Variants in DPP8 observed in about 807,000 individuals in gnomAD.
DPP8 encodes the protein dipeptidyl peptidase 8.
A neutral mutation model predicts 107.5 loss-of-function variants in DPP8; 31 were observed. That is an observed-to-expected ratio of 0.29 (90% CI 0.22 to 0.39). The LOEUF is 0.39. DPP8 is among the 10% of genes least tolerant of loss of function. The pLI is 1.00. For missense variants in DPP8, 842 were observed against 1,076.1 expected (o/e 0.78, Z 3.04); for synonymous variants, 381 against 356.6 (o/e 1.07, Z -0.77).
intron 5 of DPP8, 138 bp downstream of exon 5, chr15:65,497,726 A>G: frequency 1.7e-6 from 1 of 584,068 alleles, no homozygotes; most frequent in Non-Finnish European, 2.7e-6. Context: ...ACTTTTCTCC[A>G]TTTTTTAAAA....
At chr15:65,500,870 A>ATT in intron 3 of DPP8, 91 bp from the exon 4 acceptor site, 1 of 591,258 alleles carries the variant, frequency 1.7e-6, no homozygotes. Context: ...AACATTATTG[A>ATT]CTCTTTTTTT....
At chr15:65,472,737 A>C (rs1020002368) in intron 12 of DPP8, among the ~76,000 whole-genome samples, 1 of 152,168 alleles carries the variant, frequency 6.6e-6, no homozygotes, top group Non-Finnish European at 1.5e-5. Flanking sequence ...GAGCAATAAT[A>C]CATTTTAAAA....
intron 3 of DPP8, among the ~76,000 whole-genome samples, chr15:65,505,864 C>T (rs916975316): frequency 6.6e-6 from 1 of 150,376 alleles, no homozygotes; most frequent in Admixed American, 6.7e-5. Flanking sequence ...GCAGGAGAAT[C>T]GCTTGAATCT....
chr15:65,485,955 G>A (rs1452756999), intron 7 of DPP8, among the ~76,000 whole-genome samples: 1 of 151,696 alleles, frequency 6.6e-6, no homozygotes, highest in Non-Finnish European at 1.5e-5. Context: ...TTAGCCAGGT[G>A]TGGTGGCACA....
At chr15:65,499,265 G>A (rs1050012293) in intron 4 of DPP8, among the ~76,000 whole-genome samples, 1 of 150,540 alleles carries the variant, frequency 6.6e-6, no homozygotes, top group Non-Finnish European at 1.5e-5. Flanking sequence ...GTCTCACTCT[G>A]TCGCCCAGGG....
At position 65,445,077 on chromosome 15, in the gene DPP8, G is replaced by A. The variant is rs1272869598; in HGVS notation, c.*1807C>T. The A allele has an allele frequency of 6.6e-6, 1 of 152,016 alleles. No individual in the cohort carries two copies. Among genetic ancestry groups the A allele is most frequent in the African/African-American group, 2.4e-5 (1 of 41,378 alleles). 9.4% of individuals were successfully genotyped at this position (152,016 alleles called of 1,614,324 possible). Reference sequence around the variant, plus strand: ...TATACAGATAATAAGAAAAAGCGTGGTATCTATTATACAGTATAAATACAA... The same window carrying A: ...TATACAGATAATAAGAAAAAGCGTGATATCTATTATACAGTATAAATACAA... On this transcript the variant is annotated 3_prime_UTR_variant, in exon 20 of 20. Transcript: ENST00000300141.
chr15:65,481,632 A>T lies in DPP8; in HGVS notation c.1018-17T>A, dbSNP rs2066933032. 1 of 1,283,394 alleles carries T rather than the reference A, an allele frequency of 7.8e-7. No individual in the cohort carries two copies. The highest frequency in any genetic ancestry group is 1.1e-6 in the Non-Finnish European group (1 of 925,454). The allele number at this position is 1,283,394 out of a possible 1,614,324, so 79.5% of individuals were successfully genotyped here. A position where few individuals can be genotyped will look rare whatever the true frequency, so the allele number is the denominator to read the frequency against. ...ATCTATGATCTATTAAAAAAGAAAA[A>T]AAAAGAATCTAGTTATAGAAGATTT... On this transcript the variant is annotated splice_polypyrimidine_tract_variant and intron_variant, in intron 8 of 19. Coordinates refer to ENST00000300141, the MANE Select transcript of DPP8 (RefSeq NM_130434.5).
rs1387343954 is a variant in DPP8, at chr15:65,474,167, A to G, written c.1536+42T>C. On this transcript the variant is annotated intron_variant, in intron 12 of 19. Coordinates refer to ENST00000300141, the MANE Select transcript of DPP8 (RefSeq NM_130434.5). Reference sequence around the variant, plus strand: ...CTCATTTTTAGCACTGCATTCACACAGTAATACTGACCAAACATATCAGTA... The same window carrying G: ...CTCATTTTTAGCACTGCATTCACACGGTAATACTGACCAAACATATCAGTA... The G allele has an allele frequency of 2.9e-6, 4 of 1,378,062 alleles. No homozygotes were observed. In the Admixed American group the frequency reaches 6.7e-5, roughly 23 times the overall value. 85.4% of individuals were successfully genotyped at this position (1,378,062 alleles called of 1,614,324 possible). A position where few individuals can be genotyped will look rare whatever the true frequency, so the allele number is the denominator to read the frequency against.
chr15:65,492,848 T>C (rs1254273700), intron 5 of DPP8, among the ~76,000 whole-genome samples: 2 of 152,118 alleles, frequency 1.3e-5, no homozygotes, highest in East Asian at 1.9e-4. Flanking sequence ...TCCTCTCACC[T>C]TGGCCCCCCA....
At chr15:65,513,427 T>C (rs912323616) in intron 1 of DPP8, among the ~76,000 whole-genome samples, 1 of 152,208 alleles carries the variant, frequency 6.6e-6, no homozygotes, top group Admixed American at 6.5e-5. Context: ...TTAGCCAGGA[T>C]GGTCTTGATC....
intron 8 of DPP8, among the ~76,000 whole-genome samples, chr15:65,483,459 C>A (rs929562423): frequency 6.6e-6 from 1 of 151,978 alleles, no homozygotes; most frequent in Non-Finnish European, 1.5e-5. Flanking sequence ...GAGGCTGAGG[C>A]TGGGTTGAGC....
chr15:65,495,980 CTTTCT>C (rs963842824), intron 5 of DPP8, among the ~76,000 whole-genome samples: 2 of 151,726 alleles, frequency 1.3e-5, no homozygotes, highest in African/African-American at 4.8e-5. Context: ...CAATGATTTT[CTTTCT>C]TTTTTCTTTT....
chr15:65,503,995 C>T (rs2069593758), intron 3 of DPP8, among the ~76,000 whole-genome samples: 1 of 152,014 alleles, frequency 6.6e-6, no homozygotes, highest in African/African-American at 2.4e-5. Context: ...CTCCTGGCCT[C>T]AAGTGATCCA....
intron 2 of DPP8, among the ~76,000 whole-genome samples, chr15:65,509,229 C>T (rs1555473622): frequency 1.3e-5 from 2 of 152,270 alleles, no homozygotes; most frequent in Non-Finnish European, 2.9e-5. Flanking sequence ...CTGTGGTCAC[C>T]TATCAATACC....
intron 9 of DPP8, 119 bp downstream of exon 9, chr15:65,481,396 T>C (rs2066914942): frequency 2.8e-6 from 2 of 711,644 alleles, no homozygotes; most frequent in African/African-American, 1.9e-5. Flanking sequence ...TAGTAATAAC[T>C]GTACTGCAAA....
rs2064020814 is a variant in DPP8 at position 65,452,077 on chromosome 15, G to A, written c.2297C>T (p.Thr766Ile). The change falls in exon 18 of 20, where the codon ACT becomes ATT. Residue 766 changes from threonine to isoleucine, a missense_variant. Thr to Ile is a moderately conservative substitution (Grantham distance 89, BLOSUM62 -1). Around this residue, in one of 2 missense-constraint regions of DPP8, gnomAD observed 179 missense variants for 318.0 expected, o/e 0.56. Coordinates refer to ENST00000300141, the MANE Select transcript of DPP8 (RefSeq NM_130434.5). ...TCCTGTATCATAGAAGATCCACAGA[G>A]TGACTGGGGCCCCAGCAATAGCAAC... ...FRVAIAGAPV[T>I]LWIFYDTGYT... is the part of the protein sequence containing the mutation. 6.2e-7 allele frequency: 1 copy of A among 1,608,320 alleles called. No individual in the cohort carries two copies. Among genetic ancestry groups the A allele is most frequent in the Non-Finnish European group, 8.5e-7 (1 of 1,177,992 alleles).
At chr15:65,510,142 G>A (rs972137912) in intron 2 of DPP8, among the ~76,000 whole-genome samples, 4 of 151,614 alleles carry the variant, frequency 2.6e-5, no homozygotes, top group East Asian at 1.9e-4. Context: ...GGCGAAACCC[G>A]TCTCTACAAA....
chr15:65,456,093 A>G (rs2064390882), intron 16 of DPP8, 132 bp downstream of exon 16: 2 of 1,118,926 alleles, frequency 1.8e-6, no homozygotes, highest in East Asian at 5.1e-5. Flanking sequence ...CCCACCCCCA[A>G]ACTCTAACAC....
intron 5 of DPP8, among the ~76,000 whole-genome samples, chr15:65,491,725 C>T (rs2068050835): frequency 1.3e-5 from 2 of 152,138 alleles, no homozygotes; most frequent in Admixed American, 1.3e-4. Context: ...GCTATTATGA[C>T]TAAAGATGCT....
Sources: allele counts gnomAD v4.1 joint callset (sites outside exome capture counted in the v4.1 genomes callset), GRCh38; gene constraint gnomAD v4.1.1; regional missense constraint gnomAD v4.1.1; transcripts MANE v1.5; gene names NCBI Gene and HGNC (gene_info 2026-07-23, HGNC 2026-07-21).